Variants in IL10RB observed in about 807,000 individuals in gnomAD.
The protein encoded by IL10RB is interleukin-10 receptor subunit beta.
In IL10RB, 30 loss-of-function variants were observed where a neutral mutation model predicts 38.7. The ratio of observed to expected loss-of-function variants is 0.78; its 90% CI spans 0.58 to 1.05. The LOEUF is 1.05. Ranked by LOEUF, IL10RB falls within the 50% of genes least tolerant of loss-of-function variation. The probability of loss-of-function intolerance (pLI) is 0.00; values close to 1 mark genes in which losing one functional copy is unlikely to be tolerated. For missense variants in IL10RB, 328 were observed against 397.1 expected (o/e 0.83, Z 1.48); for synonymous variants, 142 against 145.9 (o/e 0.97, Z 0.19).
At chr21:33,293,468 C>T (rs1461754069) in intron 6 of IL10RB, among the ~76,000 whole-genome samples, 4 of 152,192 alleles carry the variant, frequency 2.6e-5, no homozygotes, top group Non-Finnish European at 4.4e-5. Context: ...CATCTACCCT[C>T]GATGGCAAGT....
intron 5 of IL10RB, among the ~76,000 whole-genome samples, chr21:33,284,039 T>TA (rs1265158536): frequency 6.6e-6 from 1 of 152,176 alleles, no homozygotes; most frequent in African/African-American, 2.4e-5. Context: ...CTCACGCCTG[T>TA]AATCCTAACA....
intron 3 of IL10RB, among the ~76,000 whole-genome samples, chr21:33,277,334 C>A (rs1229228198): frequency 8.2e-4 from 111 of 136,142 alleles, no homozygotes; most frequent in Non-Finnish European, 8.5e-4. Flanking sequence ...GACTTGGTCT[C>A]AAAAAAAAAA....
chr21:33,306,346 A>ATTCATGTGTATTAT (rs1285702622), intron 1 of IL10RB, among the ~76,000 whole-genome samples: 1 of 152,246 alleles, frequency 6.6e-6, no homozygotes, highest in African/African-American at 2.4e-5. Flanking sequence ...AAAGTTTTGT[A>ATTCATGTGTATTAT]ACAATTATAT....
chr21:33,304,931 G>A (rs1264438826), intron 1 of IL10RB, among the ~76,000 whole-genome samples: 4 of 152,192 alleles, frequency 2.6e-5, no homozygotes, highest in East Asian at 1.9e-4. Flanking sequence ...CCTAAAGATC[G>A]TAAGACTAAG....
chr21:33,299,534 C>T (rs957846816), downstream of IL10RB, among the ~76,000 whole-genome samples: 3 of 152,194 alleles, frequency 2.0e-5, no homozygotes, highest in African/African-American at 7.2e-5. Flanking sequence ...ATCTCACTTC[C>T]TTTTGGGGCT....
At chr21:33,297,987 C>T (rs1428641546), downstream of IL10RB, among the ~76,000 whole-genome samples, 3 of 152,148 alleles carry the variant, frequency 2.0e-5, no homozygotes, top group African/African-American at 7.2e-5. Context: ...AGGCTAGAGA[C>T]CCAGGTAAGA....
At chr21:33,304,379 C>T (rs1281976276) in intron 1 of IL10RB, among the ~76,000 whole-genome samples, 3 of 152,202 alleles carry the variant, frequency 2.0e-5, no homozygotes, top group Non-Finnish European at 4.4e-5. Flanking sequence ...AACACCGAGT[C>T]AGCCGGCAAA....
At chr21:33,302,982 G>A (rs933360273) in intron 1 of IL10RB, among the ~76,000 whole-genome samples, 4 of 152,192 alleles carry the variant, frequency 2.6e-5, no homozygotes, top group African/African-American at 4.8e-5. Context: ...AGGGAGCTGC[G>A]GTCAAGGTCT....
At chr21:33,289,629 G>A (rs1775588211) in intron 6 of IL10RB, among the ~76,000 whole-genome samples, 2 of 152,148 alleles carry the variant, frequency 1.3e-5, no homozygotes, top group Admixed American at 1.3e-4. Context: ...CCCAGGAGGT[G>A]CCCAGTGACT....
chr21:33,292,944 T>G (rs1238895600), intron 6 of IL10RB, among the ~76,000 whole-genome samples: 1 of 152,188 alleles, frequency 6.6e-6, no homozygotes, highest in African/African-American at 2.4e-5. Context: ...GCCTCCTGTG[T>G]GGTTTGATAA....
chr21:33,297,215 C>T lies in IL10RB; in HGVS notation c.*858C>T, dbSNP rs1217342228. On this transcript the variant is annotated 3_prime_UTR_variant, in exon 7 of 7. Coordinates refer to ENST00000290200, the MANE Select transcript of IL10RB (RefSeq NM_000628.5). ...TCCATTAAAGTTTTACTCTGTGTTG[C>T]ACTATATGTGTTCATGATACTACCT... is the stretch of plus-strand genomic sequence containing the variant. 1.3e-5 allele frequency: 2 copies of T among 153,142 alleles called. No homozygotes were observed. The highest frequency in any genetic ancestry group is 2.9e-5 in the Non-Finnish European group (2 of 68,812). The allele number at this position is 153,142 out of a possible 1,614,324, so 9.5% of individuals were successfully genotyped here.
At chr21:33,286,616 C>CG (rs1989379699) in intron 5 of IL10RB, among the ~76,000 whole-genome samples, 1 of 152,064 alleles carries the variant, frequency 6.6e-6, no homozygotes, top group Admixed American at 6.6e-5. Context: ...GAACGAGGGC[C>CG]GGGGCAGGAG....
At chr21:33,293,364 G>C (rs1989526434) in intron 6 of IL10RB, among the ~76,000 whole-genome samples, 1 of 152,228 alleles carries the variant, frequency 6.6e-6, no homozygotes, top group East Asian at 1.9e-4. Context: ...CCTAGAAAGG[G>C]ACTCAGCTGT....
At chr21:33,272,633 G>A (rs1989101604) in intron 2 of IL10RB, among the ~76,000 whole-genome samples, 1 of 152,088 alleles carries the variant, frequency 6.6e-6, no homozygotes, top group Non-Finnish European at 1.5e-5. Context: ...TTTTTGTAGA[G>A]ACAAGGACTC....
At chr21:33,270,673 C>G (rs1229743124) in intron 2 of IL10RB, among the ~76,000 whole-genome samples, 3 of 138,636 alleles carry the variant, frequency 2.2e-5, no homozygotes, top group Admixed American at 7.4e-5. Context: ...CGCGCCCAGC[C>G]TTTTTTTTTT....
chr21:33,285,413 T>C (rs1825739015), intron 5 of IL10RB, among the ~76,000 whole-genome samples: 2 of 152,200 alleles, frequency 1.3e-5, no homozygotes, highest in South Asian at 2.1e-4. Context: ...GTAGTCTGCC[T>C]CATGGTGTGG....
Position 33,279,714 on chromosome 21 carries a change from T to C in IL10RB, c.332-38T>C, listed in dbSNP as rs768753496. ...AATTAATGTTGAAGTTTTTAAAATG[T>C]GATTTTTGATTGTCATTTTGCTTGT... On this transcript the variant is annotated intron_variant, in intron 3 of 6. Transcript: ENST00000290200. The C allele has an allele frequency of 4.8e-5, 76 of 1,590,862 alleles. No homozygotes were observed. In the South Asian group the frequency reaches 7.6e-4, roughly 16 times the overall value.
intron 6 of IL10RB, among the ~76,000 whole-genome samples, chr21:33,293,214 C>T (rs766823261): frequency 2.6e-5 from 4 of 152,328 alleles, no homozygotes; most frequent in Admixed American, 6.5e-5. Flanking sequence ...CACTTCTTGG[C>T]GTGTCTGGTC....
intron 3 of IL10RB, among the ~76,000 whole-genome samples, chr21:33,277,460 G>A (rs758708658): frequency 2.6e-5 from 4 of 151,914 alleles, no homozygotes; most frequent in African/African-American, 7.3e-5. Context: ...CCATATATTA[G>A]CAATTGAGAG....
Sources: allele counts gnomAD v4.1 joint callset (sites outside exome capture counted in the v4.1 genomes callset), GRCh38; gene constraint gnomAD v4.1.1; transcripts MANE v1.5; gene names NCBI Gene and HGNC (gene_info 2026-07-23, HGNC 2026-07-21).